Variants in NKAIN2 observed in about 807,000 individuals in gnomAD.
The protein encoded by NKAIN2 is sodium/potassium transporting ATPase interacting 2.
NKAIN2 carries 14 observed loss-of-function variants against 32.6 expected under a neutral mutation model. The observed-to-expected ratio is 0.43, with a 90% CI of 0.28 to 0.67. The LOEUF (loss-of-function observed/expected upper bound fraction) is 0.67, where lower values mean the gene tolerates loss of function less well. NKAIN2 is among the 30% of genes least tolerant of loss of function. The pLI, the probability that NKAIN2 is intolerant of heterozygous loss-of-function variation, is 0.17. For synonymous variants in NKAIN2, 80 were observed against 87.2 expected, an observed-to-expected ratio of 0.92 and a Z score of 0.46; for missense variants, 198 against 258.3, an observed-to-expected ratio of 0.77 and a Z score of 1.60.
chr6:124,465,418 T>TG (rs1454452895), intron 3 of NKAIN2, among the ~76,000 whole-genome samples: 1 of 151,816 alleles, frequency 6.6e-6, no homozygotes, highest in Non-Finnish European at 1.5e-5. Context: ...CACTCATAAG[T>TG]GGGAGTCGAA....
At chr6:124,736,268 G>A (rs1176787485) in intron 4 of NKAIN2, among the ~76,000 whole-genome samples, 2 of 151,910 alleles carry the variant, frequency 1.3e-5, no homozygotes, top group Non-Finnish European at 2.9e-5. Flanking sequence ...AGAAAAACTG[G>A]AAACCAGCAG....
intron 1 of NKAIN2, among the ~76,000 whole-genome samples, chr6:123,986,708 A>G (rs1779153420): frequency 6.6e-6 from 1 of 152,178 alleles, no homozygotes; most frequent in Non-Finnish European, 1.5e-5. Flanking sequence ...TCCCATTCAC[A>G]TCTAAGACTG....
chr6:123,948,582 C>T (rs1777177547), intron 1 of NKAIN2, among the ~76,000 whole-genome samples: 1 of 143,352 alleles, frequency 7.0e-6, no homozygotes, highest in Non-Finnish European at 1.5e-5. Flanking sequence ...AAATCGTTTC[C>T]CCATCTTAAA....
chr6:124,102,749 A>G (rs1393499864), intron 1 of NKAIN2, among the ~76,000 whole-genome samples: 1 of 152,156 alleles, frequency 6.6e-6, no homozygotes, highest in Non-Finnish European at 1.5e-5. Flanking sequence ...AAAATTTTGT[A>G]ATGCAGCTAG....
intron 4 of NKAIN2, among the ~76,000 whole-genome samples, chr6:124,774,369 G>A (rs555281796): frequency 1.6e-4 from 25 of 152,194 alleles, no homozygotes; most frequent in African/African-American, 5.8e-4. Flanking sequence ...CACAAGCTTG[G>A]GACTTAACAT....
At chr6:123,953,892 G>A (rs1021725951) in intron 1 of NKAIN2, among the ~76,000 whole-genome samples, 2 of 152,206 alleles carry the variant, frequency 1.3e-5, no homozygotes, top group Non-Finnish European at 2.9e-5. Context: ...GAGTATACAG[G>A]TGGCTAGGGA....
At chr6:124,791,687 G>T (rs538118970) in intron 5 of NKAIN2, among the ~76,000 whole-genome samples, 1 of 152,200 alleles carries the variant, frequency 6.6e-6, no homozygotes. Flanking sequence ...ATGGGAGATT[G>T]GAGATGGAAA....
intron 2 of NKAIN2, among the ~76,000 whole-genome samples, chr6:124,284,834 T>C (rs1467819550): frequency 6.6e-6 from 1 of 152,058 alleles, no homozygotes; most frequent in African/African-American, 2.4e-5. Flanking sequence ...TGAAAGGAAA[T>C]TTAAAATAGA....
In NKAIN2 at chr6:124,009,878, C is replaced by T. The variant is rs140213690; in HGVS notation, c.54+205624C>T. Among the ~76,000 whole-genome samples the T allele has an allele frequency of 2.1e-3, 318 of 151,926 alleles. 1 individual carries two copies. Among genetic ancestry groups the T allele is most frequent in the East Asian group, 0.012 (62 of 5,158 alleles). On this transcript the variant is annotated intron_variant, in intron 1 of 6. Coordinates refer to ENST00000368417, the MANE Select transcript of NKAIN2 (RefSeq NM_001040214.3). Reference sequence around the variant, plus strand: ...TGGACAAAGACTCCCATTTTATATGCGTATGTATATGTGTATAAAATGTGT... The same window carrying T: ...TGGACAAAGACTCCCATTTTATATGTGTATGTATATGTGTATAAAATGTGT...
At chr6:123,829,284 A>C (rs1309963670) in intron 1 of NKAIN2, 1 of 152,112 alleles carries the variant, frequency 6.6e-6, no homozygotes, top group Non-Finnish European at 1.5e-5. Flanking sequence ...TTCCACCCAG[A>C]GTTCTCCCTT....
intron 1 of NKAIN2, among the ~76,000 whole-genome samples, chr6:124,222,194 G>C (rs1358549010): frequency 1.3e-5 from 2 of 152,058 alleles, no homozygotes; most frequent in Non-Finnish European, 2.9e-5. Flanking sequence ...GATGTTAAGG[G>C]GTGAATTTCT....
chr6:124,340,956 CT>C (rs1357106198), intron 2 of NKAIN2, among the ~76,000 whole-genome samples: 1 of 152,048 alleles, frequency 6.6e-6, no homozygotes, highest in East Asian at 1.9e-4. Context: ...TTATTTTTCA[CT>C]TTTTACTTCA....
chr6:124,074,158 A>G (rs182342474), intron 1 of NKAIN2, among the ~76,000 whole-genome samples: 70 of 152,268 alleles, frequency 4.6e-4, no homozygotes, highest in African/African-American at 1.6e-3. Context: ...TAATTCCTCA[A>G]GATTGTGACA....
intron 2 of NKAIN2, among the ~76,000 whole-genome samples, chr6:124,288,318 G>T (rs1795654745): frequency 6.6e-6 from 1 of 152,164 alleles, no homozygotes; most frequent in Non-Finnish European, 1.5e-5. Context: ...ACAGTTCAGA[G>T]ACCCAAATCT....
intron 1 of NKAIN2, among the ~76,000 whole-genome samples, chr6:123,873,890 C>G (rs1773034680): frequency 1.3e-5 from 2 of 152,094 alleles, no homozygotes; most frequent in African/African-American, 4.8e-5. Flanking sequence ...TCATTCAGAC[C>G]TTTGTGCTTT....
At chr6:124,721,321 G>C (rs866188594) in intron 4 of NKAIN2, among the ~76,000 whole-genome samples, 1 of 150,898 alleles carries the variant, frequency 6.6e-6, no homozygotes, top group Non-Finnish European at 1.5e-5. Flanking sequence ...GGAGAATGGC[G>C]TGAACCCGGA....
intron 3 of NKAIN2, among the ~76,000 whole-genome samples, chr6:124,563,425 G>A (rs1452667920): frequency 6.6e-6 from 1 of 152,162 alleles, no homozygotes; most frequent in East Asian, 1.9e-4. Flanking sequence ...GCATTCAAAT[G>A]TCCGCTGCTA....
chr6:124,589,293 A>G (rs1212104087), intron 3 of NKAIN2, among the ~76,000 whole-genome samples: 2 of 152,198 alleles, frequency 1.3e-5, no homozygotes, highest in African/African-American at 4.8e-5. Context: ...TGAGAATTCA[A>G]TAAGTGAATT....
chr6:123,827,130 T>TA (rs2114903555), intron 1 of NKAIN2, among the ~76,000 whole-genome samples: 1 of 152,298 alleles, frequency 6.6e-6, no homozygotes, highest in South Asian at 2.1e-4. Flanking sequence ...TATTGGCCAT[T>TA]AATCTATCTT....
Sources: gnomAD v4.1 joint callset for allele counts (sites outside exome capture counted in the v4.1 genomes callset) on GRCh38, gnomAD v4.1.1 for gene constraint, MANE v1.5 for transcripts, NCBI Gene and HGNC (gene_info 2026-07-23, HGNC 2026-07-21) for gene names.